Variants in LARP6 observed in about 807,000 individuals in gnomAD.
LARP6 encodes the protein La ribonucleoprotein 6, translational regulator.
A neutral mutation model predicts 32.8 loss-of-function variants in LARP6; 18 were observed. That is an observed-to-expected ratio of 0.55 (90% CI 0.38 to 0.81). The LOEUF is 0.81. Ranked by LOEUF, LARP6 falls within the 40% of genes least tolerant of loss-of-function variation. The pLI, the probability that LARP6 is intolerant of heterozygous loss-of-function variation, is 0.00. For synonymous variants in LARP6, 289 were observed against 267.2 expected, an observed-to-expected ratio of 1.08 and a Z score of -0.80; for missense variants, 598 against 663.1, an observed-to-expected ratio of 0.90 and a Z score of 1.08.
rs778534394 is a variant in LARP6 at position 70,832,067 on chromosome 15, G to A, written c.1461C>T (p.Ser487=). 2 of 1,522,832 alleles carry A rather than the reference G, an allele frequency of 1.3e-6. No homozygotes were observed. 94.3% of individuals were successfully genotyped at this position (1,522,832 alleles called of 1,614,324 possible). The stretch of plus-strand genomic sequence containing the variant: ...TAGAAGGTATTTATACACAGGCCCT[G>A]CTCCTCTCATGGCCATGAAATCCTC... ...NTRGFHGHER[S]RACV is the part of the protein sequence containing the mutation. Residue 487 remains serine (S), a synonymous_variant, in exon 3 of 3, where the codon AGC becomes AGT. Transcript: ENST00000299213.
intron 1 of LARP6, among the ~76,000 whole-genome samples, chr15:70,837,491 C>T (rs967079285): frequency 3.3e-5 from 5 of 152,198 alleles, no homozygotes; most frequent in African/African-American, 1.2e-4. Flanking sequence ...TCTTCCTTCT[C>T]TACTCCATCC....
At chr15:70,847,465 G>A in intron 1 of LARP6, among the ~76,000 whole-genome samples, 1 of 151,960 alleles carries the variant, frequency 6.6e-6, no homozygotes, top group East Asian at 1.9e-4. Flanking sequence ...TGCCTCCTGG[G>A]TTCAAGCGAT....
In LARP6 at chr15:70,836,406, G is replaced by A. The variant is rs760707940; in HGVS notation, c.300C>T (p.Ile100=). The A allele has an allele frequency of 1.8e-5, 29 of 1,613,892 alleles. No homozygotes were observed. The highest frequency in any genetic ancestry group is 5.5e-5 in the South Asian group (5 of 91,080). ...EELIKKLVDQ[I]EFYFSDENLE... is the part of the protein sequence containing the mutation. ...GGTTTTCATCAGAAAAGTAGAATTC[G>A]ATCTGATCCACCAGTTTCTTGATCA... Residue 100 remains isoleucine (I), a synonymous_variant, in exon 2 of 3, where the codon ATC becomes ATT. Transcript: ENST00000299213.
intron 1 of LARP6, among the ~76,000 whole-genome samples, chr15:70,849,958 T>C (rs1330410084): frequency 2.6e-5 from 4 of 152,126 alleles, no homozygotes; most frequent in Non-Finnish European, 4.4e-5. Context: ...TGCTGGCTAA[T>C]AAGTGTACAA....
chr15:70,854,058 C>T lies in LARP6; in HGVS notation c.31G>A (p.Gly11Arg), dbSNP rs529794026. The change falls in exon 1 of 3, where the codon GGG becomes AGG. Residue 11 changes from glycine to arginine, a missense_variant. Around this residue, in one of 3 missense-constraint regions of LARP6, gnomAD observed 161 missense variants for 148.6 expected, o/e 1.08. Coordinates refer to ENST00000299213, the MANE Select transcript of LARP6 (RefSeq NM_018357.4). MAQSGGEARP[G>R]PKTAVQIRVA... ...CGGATCTGCACCGCCGTCTTGGGCC[C>T]GGGCCGAGCCTCCCCGCCGGACTGG... 5.0e-6 allele frequency: 7 copies of T among 1,390,460 alleles called. No homozygotes were observed. Among genetic ancestry groups the T allele is most frequent in the Middle Eastern group, 2.0e-4 (1 of 4,904 alleles). 86.1% of individuals were successfully genotyped at this position (1,390,460 alleles called of 1,614,324 possible).
At position 70,851,641 on chromosome 15, in the gene LARP6, A is replaced by G. The variant is rs2032456169; in HGVS notation, c.200+2248T>C. 2.5e-6 allele frequency: 4 copies of G among 1,613,480 alleles called. No homozygotes were observed. The East Asian group carries it at 8.9e-5, about 36-fold the overall frequency. Reference sequence around the variant, plus strand: ...CGCATTCAGTCAACAAACATGTCCTATGTGCTGGGTGCTGTGCTAGGTGCT... The same window carrying G: ...CGCATTCAGTCAACAAACATGTCCTGTGTGCTGGGTGCTGTGCTAGGTGCT... On this transcript the variant is annotated intron_variant, in intron 1 of 2. Coordinates refer to ENST00000299213, the MANE Select transcript of LARP6 (RefSeq NM_018357.4).
At chr15:70,844,516 A>G (rs1198837346) in intron 1 of LARP6, among the ~76,000 whole-genome samples, 1 of 152,158 alleles carries the variant, frequency 6.6e-6, no homozygotes, top group Admixed American at 6.6e-5. Flanking sequence ...TTGAAAGTCA[A>G]TCAGTTGTAT....
chr15:70,848,066 C>T (rs1200112221), intron 1 of LARP6, among the ~76,000 whole-genome samples: 1 of 152,152 alleles, frequency 6.6e-6, no homozygotes, highest in Non-Finnish European at 1.5e-5. Flanking sequence ...ATTGATAATG[C>T]AATATAAAAA....
rs2032070833 is a variant in LARP6 at position 70,832,630 on chromosome 15, G to T, written c.898C>A (p.Pro300Thr). Residue 300 changes from proline (P) to threonine (T), a missense_variant, in exon 3 of 3, where the codon CCT (proline) becomes ACT (threonine). Coordinates refer to ENST00000299213, the MANE Select transcript of LARP6 (RefSeq NM_018357.4). ...TCGTCATGATTTTTGTCTTTGGCAGGTTTCTTTTTGGGTGGCTTCATACCA... is the reference window on the plus strand; with the variant it reads ...TCGTCATGATTTTTGTCTTTGGCAGTTTTCTTTTTGGGTGGCTTCATACCA... ...LIGMKPPKKK[P>T]AKDKNHDEEP... The T allele has an allele frequency of 2.5e-6, 4 of 1,608,444 alleles. No individual in the cohort carries two copies. Among genetic ancestry groups the T allele is most frequent in the South Asian group, 2.2e-5 (2 of 90,122 alleles).
At position 70,832,148 on chromosome 15, in the gene LARP6, A is replaced by T. The variant is rs1445251065; in HGVS notation, c.1380T>A (p.Thr460=). 6.2e-7 allele frequency: 1 copy of T among 1,612,496 alleles called. No individual in the cohort carries two copies. The highest frequency in any genetic ancestry group is 2.2e-5 in the East Asian group (1 of 44,862). Reference sequence around the variant, plus strand: ...GCACCCCTACGGGTAGCCCATCTGCAGTCTGCATCTTCCGGGAGAGCAGGG... The same window carrying T: ...GCACCCCTACGGGTAGCCCATCTGCTGTCTGCATCTTCCGGGAGAGCAGGG... ...TSPLLSRKMQ[T]ADGLPVGVLR... Residue 460 remains threonine, a synonymous_variant, in exon 3 of 3, where the codon ACT becomes ACA. Transcript: ENST00000299213.
chr15:70,845,019 A>G (rs2032321325), intron 1 of LARP6, among the ~76,000 whole-genome samples: 1 of 152,192 alleles, frequency 6.6e-6, no homozygotes, highest in Non-Finnish European at 1.5e-5. Context: ...AACTTATTTT[A>G]GAATAGTTTT....
Position 70,832,807 on chromosome 15 carries a change from G to C in LARP6, c.721C>G (p.Pro241Ala), listed in dbSNP as rs1294647710. The C allele has an allele frequency of 6.2e-7, 1 of 1,612,332 alleles. No individual in the cohort carries two copies. The highest frequency in any genetic ancestry group is 1.3e-5 in the African/African-American group (1 of 74,760). Residue 241 changes from proline (P) to alanine (A), a missense_variant, in exon 3 of 3, where the codon CCT becomes GCT. Pro to Ala is a conservative substitution (Grantham distance 27, BLOSUM62 -1). This residue lies in a region of LARP6 where 368 missense variants were observed against 397.9 expected (regional missense o/e 0.92). Coordinates refer to ENST00000299213, the MANE Select transcript of LARP6 (RefSeq NM_018357.4). Reference protein sequence around the residue: ...RILKPGRELPPDIRRISSRYS... With the variant: ...RILKPGRELPADIRRISSRYS... ...CGGCTGCTGATCCTCCGGATGTCAG[G>C]GGGCAGCTCTCTCCCAGGTTTGAGG...
Position 70,840,997 on chromosome 15 carries a change from TCCGCCTCC to T in LARP6, c.201-4500_201-4493del, listed in dbSNP as rs1420250413. ...GGCACTGTCTCGGCTCACTGCAAGC[TCCGCCTCC>T]TGGGTTCATGCCATTCTCCTGCCTC... On this transcript the variant is annotated intron_variant, in intron 1 of 2. Transcript: ENST00000299213. Among the ~76,000 whole-genome samples the T allele has an allele frequency of 5.7e-4, 86 of 150,260 alleles. No homozygotes were observed. In the East Asian group the frequency reaches 0.017, roughly 29 times the overall value.
At chr15:70,838,128 T>C (rs1483077163) in intron 1 of LARP6, among the ~76,000 whole-genome samples, 2 of 152,228 alleles carry the variant, frequency 1.3e-5, no homozygotes, top group Admixed American at 6.5e-5. Context: ...TGTAGTGTCA[T>C]GGTGGCGCTC....
chr15:70,846,156 C>A (rs1595954981), intron 1 of LARP6, among the ~76,000 whole-genome samples: 1 of 152,292 alleles, frequency 6.6e-6, no homozygotes, highest in East Asian at 1.9e-4. Flanking sequence ...CTCCTGCCAC[C>A]TCCCATGTTA....
chr15:70,848,990 A>G (rs971621319), intron 1 of LARP6: 1 of 152,214 alleles, frequency 6.6e-6, no homozygotes, highest in Non-Finnish European at 1.5e-5. Flanking sequence ...CAGTATAATA[A>G]ATAAAAGAAG....
rs1282947960 is a variant in LARP6 at position 70,832,392 on chromosome 15, G to A, written c.1136C>T (p.Thr379Ile). The change falls in exon 3 of 3, where the codon ACA becomes ATA. Residue 379 changes from threonine to isoleucine, a missense_variant. By Grantham distance (89) the Thr-to-Ile change is moderately conservative. Transcript: ENST00000299213. ...LFLSPNASPC[T>I]SPWSSPLAQR... ...GGCCAAGGGGCTGCTCCAAGGACTT[G>A]TGCACGGGGAGGCATTTGGACTCAG... The A allele has an allele frequency of 6.2e-7, 1 of 1,608,282 alleles. No individual in the cohort carries two copies. Among genetic ancestry groups the A allele is most frequent in the Non-Finnish European group, 8.5e-7 (1 of 1,177,560 alleles).
In LARP6 at chr15:70,832,895, C is replaced by G. The variant is rs1459049803; in HGVS notation, c.633G>C (p.Glu211Asp). The G allele has an allele frequency of 1.9e-6, 3 of 1,606,474 alleles. No individual in the cohort carries two copies. The highest frequency in any genetic ancestry group is 2.5e-6 in the Non-Finnish European group (3 of 1,176,716). ...GCTTGAGCAGGTGTTCCATCACCTT[C>G]TCTTGCACCCTTCCATTCTTCTGGG... ...ATPQKNGRVQ[E>D]KVMEHLLKLF... Residue 211 changes from glutamate to aspartate, a missense_variant, in exon 3 of 3, where the codon GAG (glutamate) becomes GAC (aspartate). Around this residue, in one of 3 missense-constraint regions of LARP6, gnomAD observed 368 missense variants for 397.9 expected, o/e 0.92. Coordinates refer to ENST00000299213, the MANE Select transcript of LARP6 (RefSeq NM_018357.4).
At chr15:70,853,216 C>CT (rs908124302) in intron 1 of LARP6, 7 of 102,912 alleles carry the variant, frequency 6.8e-5, no homozygotes, top group African/African-American at 3.8e-4. Context: ...CCAGGAACAC[C>CT]CCCCCCCCGC....
Sources: gnomAD v4.1 joint callset for allele counts (sites outside exome capture counted in the v4.1 genomes callset) on GRCh38, gnomAD v4.1.1 for gene constraint, gnomAD v4.1.1 regional missense constraint, MANE v1.5 for transcripts, NCBI Gene and HGNC (gene_info 2026-07-23, HGNC 2026-07-21) for gene names.